Variants in ENTPD4 observed in about 807,000 individuals in gnomAD.
The protein encoded by ENTPD4 is ectonucleoside triphosphate diphosphohydrolase 4.
A neutral mutation model predicts 79.1 loss-of-function variants in ENTPD4; 60 were observed. The ratio of observed to expected loss-of-function variants is 0.76; its 90% CI spans 0.62 to 0.94. ENTPD4 has a LOEUF of 0.94. Among genes scored for constraint, ENTPD4 ranks in the 40% least tolerant of loss-of-function variants. The pLI is 0.00. For missense variants in ENTPD4, 772 were observed against 775.1 expected (o/e 1.00, Z 0.05); for synonymous variants, 276 against 292.0 (o/e 0.95, Z 0.56).
Position 23,439,845 on chromosome 8 carries a change from T to A in ENTPD4, c.953A>T (p.Tyr318Phe), listed in dbSNP as rs912793665. Residue 318 changes from tyrosine to phenylalanine, a missense_variant, in exon 9 of 13, where the codon TAT becomes TTT. Coordinates refer to ENST00000358689, the MANE Select transcript of ENTPD4 (RefSeq NM_004901.5). ...AAGAAACGTGGCCACATAGACTCGA[T>A]ACACATGCTCAGTTTGGTGAACATC... ...GCDVHQTEHV[Y>F]RVYVATFLGF... 1 of 1,614,142 alleles carries A rather than the reference T, an allele frequency of 6.2e-7. No individual in the cohort carries two copies. The highest frequency in any genetic ancestry group is 1.1e-5 in the South Asian group (1 of 91,078).
Position 23,434,299 on chromosome 8 carries a change from CCA to C in ENTPD4, c.1622+16_1622+17del. 2 of 1,607,072 alleles carry C rather than the reference CCA, an allele frequency of 1.2e-6. No homozygotes were observed. Among genetic ancestry groups the C allele is most frequent in the Non-Finnish European group, 1.7e-6 (2 of 1,174,654 alleles). On this transcript the variant is annotated intron_variant, in intron 12 of 12. Coordinates refer to ENST00000358689, the MANE Select transcript of ENTPD4 (RefSeq NM_004901.5). ...AAAAGCATCTTTTTGATTCTCGTTC[CCA>C]AATTCACAGCCCTACCTTAATGGTA...
At chr8:23,437,345 C>T (rs924788069) in intron 9 of ENTPD4, 87 bp from the exon 10 acceptor site, 16 of 1,002,542 alleles carry the variant, frequency 1.6e-5, no homozygotes, top group African/African-American at 3.3e-5. Flanking sequence ...TCTCAAAATA[C>T]GCTCTGTGGG....
At chr8:23,443,298 G>A (rs746571000) in intron 6 of ENTPD4, among the ~76,000 whole-genome samples, 4 of 152,164 alleles carry the variant, frequency 2.6e-5, no homozygotes, top group Non-Finnish European at 5.9e-5. Context: ...GAATAGCAAT[G>A]TGTAAATTTC....
chr8:23,433,182 C>T, intron 12 of ENTPD4, 28 bp from the exon 13 acceptor site: 2 of 1,601,586 alleles, frequency 1.2e-6, no homozygotes, highest in Non-Finnish European at 1.7e-6. Context: ...AAACAACAAA[C>T]AGGACAGTAA....
At position 23,448,780 on chromosome 8, in the gene ENTPD4, A is replaced by C. The variant is rs1427642249; in HGVS notation, c.168T>G (p.Asn56Lys). The part of the protein sequence containing the change: ...LLYFSVVIIR[N>K]KYGRLTRDKK... ...TGTCTCTGGTTAGTCGCCCATACTT[A>C]TTTCGGATTATGACAACAGAAAAAT... Residue 56 changes from asparagine (N) to lysine (K), a missense_variant, in exon 3 of 13, where the codon AAT becomes AAG. Physicochemically the swap from Asn to Lys is moderately conservative, Grantham distance 94. Transcript: ENST00000358689. 1 of 1,614,166 alleles carries C rather than the reference A, an allele frequency of 6.2e-7. No individual in the cohort carries two copies. Among genetic ancestry groups the C allele is most frequent in the South Asian group, 1.1e-5 (1 of 91,082 alleles).
At chr8:23,437,318 G>A in intron 9 of ENTPD4, 60 bp from the exon 10 acceptor site, 1 of 1,320,634 alleles carries the variant, frequency 7.6e-7, no homozygotes, top group Non-Finnish European at 1.0e-6. Flanking sequence ...TTCAGGAAGT[G>A]GCTGCAAACC....
In ENTPD4 at chr8:23,431,035, G is replaced by A. The variant is rs193293313; in HGVS notation, c.*1891C>T. ...TTTGAAATCCAGGTGAGGGAGCCATGCCCCCACAGCTCTTGCCTCAAGGAT... is the reference window on the plus strand; with the variant it reads ...TTTGAAATCCAGGTGAGGGAGCCATACCCCCACAGCTCTTGCCTCAAGGAT... On this transcript the variant is annotated 3_prime_UTR_variant, in exon 13 of 13. Transcript: ENST00000358689. 28 of 915,796 alleles carry A rather than the reference G, an allele frequency of 3.1e-5. No homozygotes were observed. In the East Asian group the frequency reaches 2.1e-3, roughly 70 times the overall value. The allele number at this position is 915,796 out of a possible 1,614,324, so 56.7% of individuals were successfully genotyped here.
At chr8:23,450,245 C>T (rs1405548833) in intron 1 of ENTPD4, among the ~76,000 whole-genome samples, 1 of 152,178 alleles carries the variant, frequency 6.6e-6, no homozygotes, top group Non-Finnish European at 1.5e-5. Context: ...GTGTCTGTGA[C>T]CCCAAAATAT....
intron 8 of ENTPD4, 172 bp downstream of exon 8, chr8:23,441,397 G>A (rs1800666424): frequency 1.0e-6 from 1 of 985,086 alleles, no homozygotes; most frequent in Non-Finnish European, 1.2e-6. Context: ...ACACACAAGC[G>A]GCTCAGCTGA....
At chr8:23,436,152 A>G (rs1015119862) in intron 10 of ENTPD4, among the ~76,000 whole-genome samples, 1 of 152,248 alleles carries the variant, frequency 6.6e-6, no homozygotes, top group African/African-American at 2.4e-5. Context: ...GACACAGAGA[A>G]GTCGCGGAGA....
In ENTPD4 at chr8:23,439,912, C is replaced by A. The variant is rs1800637654; in HGVS notation, c.886G>T (p.Glu296Ter). ...TCAGCTAACAAGTTTTTAGCTACTT[C>A]TTCCTGCAGACATAAGCATAACAAA... Reference protein sequence around the residue: ...TVSFASSQQEEVAKNLLAEFN... With the variant: ...TVSFASSQQE Residue 296 changes from glutamate to a stop codon, truncating the protein, a stop_gained, in exon 9 of 13, where the codon GAA becomes TAA. Coordinates refer to ENST00000358689, the MANE Select transcript of ENTPD4 (RefSeq NM_004901.5). LOFTEE classifies it high-confidence loss of function. 6.2e-7 allele frequency: 1 copy of A among 1,613,632 alleles called. No individual in the cohort carries two copies. Among genetic ancestry groups the A allele is most frequent in the African/African-American group, 1.3e-5 (1 of 74,928 alleles).
In ENTPD4 at chr8:23,435,378, C is replaced by G; in HGVS notation, c.1460+14G>C. The G allele has an allele frequency of 6.2e-7, 1 of 1,603,822 alleles. No individual in the cohort carries two copies. Among genetic ancestry groups the G allele is most frequent in the Non-Finnish European group, 8.5e-7 (1 of 1,171,212 alleles). ...TTCTTAAGAGTGCCCTGGGCTTGACCTTCTAGTACTTACTTAAGCCTGTGG... is the reference window on the plus strand; with the variant it reads ...TTCTTAAGAGTGCCCTGGGCTTGACGTTCTAGTACTTACTTAAGCCTGTGG... On this transcript the variant is annotated intron_variant, in intron 11 of 12. Transcript: ENST00000358689.
intron 9 of ENTPD4, among the ~76,000 whole-genome samples, chr8:23,439,486 G>A (rs987508374): frequency 6.6e-6 from 1 of 152,202 alleles, no homozygotes; most frequent in African/African-American, 2.4e-5. Flanking sequence ...ATAGCTTGAT[G>A]GTGAAATTTC....
At chr8:23,452,534 C>T (rs1461556995) in intron 1 of ENTPD4, among the ~76,000 whole-genome samples, 1 of 152,190 alleles carries the variant, frequency 6.6e-6, no homozygotes, top group East Asian at 1.9e-4. Context: ...TTGAGTTCCT[C>T]AGTTGTACTA....
At position 23,448,786 on chromosome 8, in the gene ENTPD4, G is replaced by C. The variant is rs144678210; in HGVS notation, c.162C>G (p.Ile54Met). ...VSLLYFSVVI[I>M]RNKYGRLTRD... ...TGGTTAGTCGCCCATACTTATTTCG[G>C]ATTATGACAACAGAAAAATATAAAA... The change falls in exon 3 of 13, where the codon ATC becomes ATG. Residue 54 changes from isoleucine to methionine, a missense_variant. Coordinates refer to ENST00000358689, the MANE Select transcript of ENTPD4 (RefSeq NM_004901.5). 1 of 1,614,002 alleles carries C rather than the reference G, an allele frequency of 6.2e-7. No homozygotes were observed. Among genetic ancestry groups the C allele is most frequent in the Non-Finnish European group, 8.5e-7 (1 of 1,179,990 alleles).
chr8:23,442,562 A>G (rs1451122028), intron 6 of ENTPD4, among the ~76,000 whole-genome samples: 7 of 152,100 alleles, frequency 4.6e-5, no homozygotes, highest in African/African-American at 1.4e-4. Flanking sequence ...CGGCGCCTGT[A>G]GTCCCAGCTA....
chr8:23,450,088 T>C lies in ENTPD4; in HGVS notation c.-97-91A>G, dbSNP rs1368702770. On this transcript the variant is annotated intron_variant, in intron 1 of 12. Transcript: ENST00000358689. ...GTGTGTGCTTAAATCCAACCACATA[T>C]AATCTATACATGATCCTTGCACTGA... 8 of 669,684 alleles carry C rather than the reference T, an allele frequency of 1.2e-5. 1 individual carries two copies. In the Middle Eastern group the frequency reaches 9.9e-4, roughly 83 times the overall value. The allele number at this position is 669,684 out of a possible 1,614,324, so 41.5% of individuals were successfully genotyped here.
intron 6 of ENTPD4, among the ~76,000 whole-genome samples, chr8:23,443,345 AG>A (rs1475703543): frequency 6.6e-6 from 1 of 152,214 alleles, no homozygotes; most frequent in Non-Finnish European, 1.5e-5. Context: ...TCTTTCACAT[AG>A]GAAGTATTAA....
At chr8:23,444,385 A>G in intron 5 of ENTPD4, 71 bp downstream of exon 5, 1 of 1,287,306 alleles carries the variant, frequency 7.8e-7, no homozygotes, top group Non-Finnish European at 1.1e-6. Flanking sequence ...GAGAAGGAGG[A>G]AGGGGGAGAA....
Sources: gnomAD v4.1 joint callset for allele counts (sites outside exome capture counted in the v4.1 genomes callset) on GRCh38, gnomAD v4.1.1 for gene constraint, MANE v1.5 for transcripts, NCBI Gene and HGNC (gene_info 2026-07-23, HGNC 2026-07-21) for gene names.